STIM2: variants seen among roughly 807,000 people sequenced by gnomAD.
The protein encoded by STIM2 is stromal interaction molecule 2.
In STIM2, 31 loss-of-function variants were observed where a neutral mutation model predicts 85.8. The ratio of observed to expected loss-of-function variants is 0.36; its 90% CI spans 0.27 to 0.49. STIM2 has a LOEUF of 0.49. STIM2 is among the 20% of genes least tolerant of loss of function. STIM2 has a pLI of 0.98. For synonymous variants in STIM2, 356 were observed against 331.1 expected (o/e 1.08, Z -0.82); for missense variants, 841 against 927.6 (o/e 0.91, Z 1.21).
At chr4:26,890,882 C>T (rs1723450718) in intron 1 of STIM2, among the ~76,000 whole-genome samples, 1 of 151,432 alleles carries the variant, frequency 6.6e-6, no homozygotes, top group African/African-American at 2.4e-5. Flanking sequence ...GAGCTTTGCT[C>T]TAAGATCCTA....
At chr4:26,915,894 G>A (rs1041909689) in intron 1 of STIM2, among the ~76,000 whole-genome samples, 2 of 152,310 alleles carry the variant, frequency 1.3e-5, no homozygotes, top group Admixed American at 6.5e-5. Context: ...ACTGCATATC[G>A]TGTTTAAATT....
chr4:26,879,945 A>C (rs1279329926), intron 1 of STIM2, among the ~76,000 whole-genome samples: 1 of 152,102 alleles, frequency 6.6e-6, no homozygotes, highest in Non-Finnish European at 1.5e-5. Context: ...CTGGGCTACC[A>C]TTCCCTCTTA....
rs548154217 is a variant in STIM2, at chr4:26,963,933, A to C, written c.397+6207A>C. ...ATTTTGTCTTTTGCTCTTACCATGT[A>C]GTGCATAACCATCTCATGTCTTAGT... On this transcript the variant is annotated intron_variant, in intron 3 of 11. Coordinates refer to ENST00000467087, the MANE Select transcript of STIM2 (RefSeq NM_020860.4). 2.0e-5 allele frequency among the ~76,000 whole-genome samples: 3 copies of C among 152,342 alleles called. No individual in the cohort carries two copies. In the South Asian group the frequency reaches 6.2e-4, roughly 32 times the overall value.
At chr4:26,945,994 TATG>T (rs1725822328) in intron 2 of STIM2, among the ~76,000 whole-genome samples, 2 of 152,316 alleles carry the variant, frequency 1.3e-5, no homozygotes, top group East Asian at 1.9e-4. Flanking sequence ...TGCATTTGTA[TATG>T]ATGTCATTAA....
chr4:26,922,778 G>T (rs998052536), intron 2 of STIM2, among the ~76,000 whole-genome samples: 6 of 151,908 alleles, frequency 3.9e-5, no homozygotes, highest in African/African-American at 1.5e-4. Flanking sequence ...AACTATTTAG[G>T]GCCCTATCCT....
chr4:26,962,833 TA>T (rs1313335031), intron 3 of STIM2, among the ~76,000 whole-genome samples: 1 of 152,134 alleles, frequency 6.6e-6, no homozygotes, highest in Non-Finnish European at 1.5e-5. Flanking sequence ...CTATAGTAGA[TA>T]AAAAACTGAT....
chr4:26,982,785 A>T (rs1329566392), intron 3 of STIM2, among the ~76,000 whole-genome samples: 2 of 152,042 alleles, frequency 1.3e-5, no homozygotes, highest in African/African-American at 4.8e-5. Context: ...CTTTTTTTTT[A>T]TACTGAAAAT....
intron 1 of STIM2, among the ~76,000 whole-genome samples, chr4:26,880,639 A>G (rs916828921): frequency 5.1e-4 from 75 of 147,224 alleles, no homozygotes; most frequent in African/African-American, 1.8e-3. Flanking sequence ...ATATAAATAT[A>G]TATGTAAATA....
At chr4:26,891,262 C>T (rs1482484624) in intron 1 of STIM2, among the ~76,000 whole-genome samples, 3 of 152,034 alleles carry the variant, frequency 2.0e-5, no homozygotes, top group Admixed American at 6.5e-5. Context: ...ATGAGTGGGC[C>T]TTATCCAATC....
At chr4:26,966,522 C>G (rs1283856859) in intron 3 of STIM2, among the ~76,000 whole-genome samples, 3 of 152,040 alleles carry the variant, frequency 2.0e-5, no homozygotes, top group African/African-American at 7.2e-5. Flanking sequence ...TTACTTAAGT[C>G]TTTTTCCCCC....
At chr4:27,010,027 C>T (rs1234121651) in intron 10 of STIM2, among the ~76,000 whole-genome samples, 7 of 151,998 alleles carry the variant, frequency 4.6e-5, no homozygotes, top group South Asian at 4.2e-4. Flanking sequence ...TCCATATGTC[C>T]GTTAAAAGGA....
chr4:26,974,940 T>C (rs1727123959), intron 3 of STIM2, among the ~76,000 whole-genome samples: 1 of 152,194 alleles, frequency 6.6e-6, no homozygotes, highest in East Asian at 1.9e-4. Context: ...TCGTTTCTTT[T>C]TACTCTTTTT....
Position 27,008,536 on chromosome 4 carries a change from T to C in STIM2, c.1250+8T>C, listed in dbSNP as rs770482504. On this transcript the variant is annotated splice_region_variant and intron_variant, in intron 9 of 11. Coordinates refer to ENST00000467087, the MANE Select transcript of STIM2 (RefSeq NM_020860.4). The stretch of plus-strand genomic sequence containing the variant: ...CAAAATTCTGGAAGCAAAGTAAGAA[T>C]GTTGTTTTCACTTTTATTTGATTTA... The C allele has an allele frequency of 8.3e-6, 13 of 1,564,264 alleles. No individual in the cohort carries two copies. Among genetic ancestry groups the C allele is most frequent in the Non-Finnish European group, 1.1e-5 (13 of 1,151,938 alleles).
chr4:26,954,208 A>G (rs767131688), intron 2 of STIM2, among the ~76,000 whole-genome samples: 11 of 152,338 alleles, frequency 7.2e-5, no homozygotes, highest in Non-Finnish European at 1.3e-4. Flanking sequence ...AGTTTATTAT[A>G]TGAAAACTAA....
In STIM2 at chr4:26,879,543, T is replaced by G. The variant is rs116379337; in HGVS notation, c.151+18174T>G. 2.5e-3 allele frequency among the ~76,000 whole-genome samples: 375 copies of G among 152,316 alleles called. 2 individuals are homozygous for G. Among genetic ancestry groups the G allele is most frequent in the African/African-American group, 8.3e-3 (344 of 41,574 alleles). On this transcript the variant is annotated intron_variant, in intron 1 of 11. Coordinates refer to ENST00000467087, the MANE Select transcript of STIM2 (RefSeq NM_020860.4). ...TTTACACAGTCATTGTGTTAAGTTT[T>G]TCATAGGTTCACATTTAATTCTCCC...
intron 3 of STIM2, among the ~76,000 whole-genome samples, chr4:26,961,727 C>G (rs1357621036): frequency 6.6e-6 from 1 of 151,632 alleles, no homozygotes; most frequent in Non-Finnish European, 1.5e-5. Context: ...TAGAAGGAGA[C>G]AAGAAGTAGA....
chr4:26,901,067 A>G (rs992620025), intron 1 of STIM2, among the ~76,000 whole-genome samples: 1 of 152,110 alleles, frequency 6.6e-6, no homozygotes, highest in African/African-American at 2.4e-5. Flanking sequence ...TTTCCTCTCC[A>G]GGGTGTTTGC....
chr4:27,023,374 C>T lies in STIM2; in HGVS notation c.*378C>T, dbSNP rs1166424133. The stretch of plus-strand genomic sequence containing the variant: ...GGGCTTGCAAAAATTTCTTGTTTAC[C>T]AGAGCATCTTCTTATCTTTCCACAG... On this transcript the variant is annotated 3_prime_UTR_variant, in exon 12 of 12. Coordinates refer to ENST00000467087, the MANE Select transcript of STIM2 (RefSeq NM_020860.4). The T allele has an allele frequency of 4.9e-6, 1 of 203,582 alleles. No homozygotes were observed. The allele number at this position is 203,582 out of a possible 1,614,324, so 12.6% of individuals were successfully genotyped here. A position where few individuals can be genotyped will look rare whatever the true frequency, so the allele number is the denominator to read the frequency against.
chr4:26,938,577 G>C (rs1352757488), intron 2 of STIM2, among the ~76,000 whole-genome samples: 1 of 152,188 alleles, frequency 6.6e-6, no homozygotes, highest in African/African-American at 2.4e-5. Flanking sequence ...AGCACTGACT[G>C]CTGCAGTCAC....
Sources: allele counts gnomAD v4.1 joint callset (sites outside exome capture counted in the v4.1 genomes callset), GRCh38; gene constraint gnomAD v4.1.1; transcripts MANE v1.5; gene names NCBI Gene and HGNC (gene_info 2026-07-23, HGNC 2026-07-21).